Variants in DNAI3 observed in about 807,000 individuals in gnomAD.
The protein encoded by DNAI3 is dynein axonemal intermediate chain 3.
In DNAI3, 83 loss-of-function variants were observed where a neutral mutation model predicts 115.5. The ratio of observed to expected loss-of-function variants is 0.72; its 90% CI spans 0.60 to 0.86. The LOEUF (loss-of-function observed/expected upper bound fraction) is 0.86, where lower values mean the gene tolerates loss of function less well. Ranked by LOEUF, DNAI3 falls within the 40% of genes least tolerant of loss-of-function variation. The pLI is 0.00. For synonymous variants in DNAI3, 320 were observed against 347.0 expected (o/e 0.92, Z 0.86); for missense variants, 1,004 against 1,075.8 (o/e 0.93, Z 0.93).
rs1050571079 is a variant in DNAI3 at position 85,099,225 on chromosome 1, C to T, written c.1479+567C>T. 8 of 984,750 alleles carry T rather than the reference C, an allele frequency of 8.1e-6. No individual in the cohort carries two copies. In the African/African-American group the frequency reaches 1.4e-4, roughly 17 times the overall value. 61.0% of individuals were successfully genotyped at this position (984,750 alleles called of 1,614,324 possible). A position where few individuals can be genotyped will look rare whatever the true frequency, so the allele number is the denominator to read the frequency against. ...CTATAAATTTGGAAACTGGCAAGTT[C>T]CCCACATGTTTTCCTCAAGGGCATT... On this transcript the variant is annotated intron_variant, in intron 13 of 22. Coordinates refer to ENST00000294664, the MANE Select transcript of DNAI3 (RefSeq NM_145172.5).
In DNAI3 at chr1:85,086,768, C is replaced by T. The variant is rs538123572; in HGVS notation, c.740+738C>T. Among the ~76,000 whole-genome samples, 18 of 152,014 alleles carry T rather than the reference C, an allele frequency of 1.2e-4. 1 individual carries two copies. In the South Asian group the frequency reaches 3.7e-3, roughly 32 times the overall value. On this transcript the variant is annotated intron_variant, in intron 7 of 22. Coordinates refer to ENST00000294664, the MANE Select transcript of DNAI3 (RefSeq NM_145172.5). ...TCTCCTGCTTGGATTACTGTAATTC[C>T]TTCTAAGTGGGCTTCCTCTAGCCAT...
Position 85,132,832 on chromosome 1 carries a change from T to C in DNAI3, c.2533-23T>C, listed in dbSNP as rs769211745. On this transcript the variant is annotated intron_variant, in intron 22 of 22. Coordinates refer to ENST00000294664, the MANE Select transcript of DNAI3 (RefSeq NM_145172.5). ...TAGATATCAGTGTTTTATAGGGATG[T>C]CTTGTTTTTCTTCCCCCCCCAGAAA... is the stretch of plus-strand genomic sequence containing the variant. 3.4e-6 allele frequency: 5 copies of C among 1,477,638 alleles called. No individual in the cohort carries two copies. The East Asian group carries it at 1.2e-4, about 37-fold the overall frequency. 91.5% of individuals were successfully genotyped at this position (1,477,638 alleles called of 1,614,324 possible).
chr1:85,076,011 T>C (rs150094993), intron 3 of DNAI3, among the ~76,000 whole-genome samples: 93 of 152,320 alleles, frequency 6.1e-4, no homozygotes, highest in African/African-American at 2.2e-3. Context: ...ACCAGGCTAA[T>C]GTCAAGGTGT....
intron 8 of DNAI3, among the ~76,000 whole-genome samples, chr1:85,092,065 T>TTCAATGTTCA (rs1407662107): frequency 3.3e-5 from 5 of 152,208 alleles, no homozygotes; most frequent in Non-Finnish European, 7.3e-5. Context: ...CACAGGGTTA[T>TTCAATGTTCA]TCAATGTTCA....
chr1:85,095,777 T>C (rs1221026463), intron 10 of DNAI3, among the ~76,000 whole-genome samples, 154 bp from the exon 11 acceptor site: 1 of 152,218 alleles, frequency 6.6e-6, no homozygotes, highest in African/African-American at 2.4e-5. Flanking sequence ...AAAGCAGCTT[T>C]TAGTCCAGAG....
intron 20 of DNAI3, among the ~76,000 whole-genome samples, chr1:85,126,992 C>T (rs1656165400): frequency 6.6e-6 from 1 of 152,118 alleles, no homozygotes; most frequent in South Asian, 2.1e-4. Context: ...ATTTCTGAGA[C>T]ACGTGTCAGG....
chr1:85,090,942 A>C (rs745503370), intron 8 of DNAI3, among the ~76,000 whole-genome samples: 3 of 152,226 alleles, frequency 2.0e-5, no homozygotes, highest in Non-Finnish European at 4.4e-5. Flanking sequence ...AAGTTCATAT[A>C]TAGCCCAAGT....
At chr1:85,091,962 C>G (rs1294042912) in intron 8 of DNAI3, among the ~76,000 whole-genome samples, 1 of 152,208 alleles carries the variant, frequency 6.6e-6, no homozygotes, top group Non-Finnish European at 1.5e-5. Flanking sequence ...TGAGAATTCC[C>G]TTCTCATTTG....
At chr1:85,078,754 G>C (rs1466160242) in intron 3 of DNAI3, among the ~76,000 whole-genome samples, 4 of 152,200 alleles carry the variant, frequency 2.6e-5, no homozygotes, top group Non-Finnish European at 5.9e-5. Flanking sequence ...TAGCAGTTTT[G>C]TGTGATCTGT....
intron 7 of DNAI3, among the ~76,000 whole-genome samples, chr1:85,087,434 CAA>C (rs1162431713): frequency 6.4e-4 from 30 of 46,660 alleles, no homozygotes; most frequent in African/African-American, 1.5e-3. Flanking sequence ...GACTCCATCT[CAA>C]AAAAAAAAAA....
intron 13 of DNAI3, among the ~76,000 whole-genome samples, chr1:85,101,986 G>C (rs1299754272): frequency 6.6e-6 from 1 of 151,848 alleles, no homozygotes; most frequent in Admixed American, 6.6e-5. Context: ...AGGATGACTT[G>C]GAGTTTAAGA....
At chr1:85,072,812 G>T (rs1242928563) in intron 2 of DNAI3, among the ~76,000 whole-genome samples, 1 of 151,120 alleles carries the variant, frequency 6.6e-6, no homozygotes, top group Non-Finnish European at 1.5e-5. Context: ...AAAATTAGCC[G>T]GGTGTGGTGG....
At chr1:85,077,128 A>G (rs1004108946) in intron 3 of DNAI3, among the ~76,000 whole-genome samples, 32 of 152,260 alleles carry the variant, frequency 2.1e-4, no homozygotes, top group African/African-American at 7.5e-4. Context: ...AGATCAATGC[A>G]TGAGAATAGA....
intron 1 of DNAI3, among the ~76,000 whole-genome samples, chr1:85,065,807 T>C (rs1029349372): frequency 6.6e-6 from 1 of 152,256 alleles, no homozygotes; most frequent in African/African-American, 2.4e-5. Context: ...CACTGTATTA[T>C]GACAATTTAA....
Position 85,072,115 on chromosome 1 carries a change from CAT to C in DNAI3, c.64+112_64+113del, listed in dbSNP as rs965892698. 3.7e-6 allele frequency: 4 copies of C among 1,085,448 alleles called. No homozygotes were observed. The African/African-American group carries it at 4.8e-5, about 13-fold the overall frequency. 67.2% of individuals were successfully genotyped at this position (1,085,448 alleles called of 1,614,324 possible). A position where few individuals can be genotyped will look rare whatever the true frequency, so the allele number is the denominator to read the frequency against. On this transcript the variant is annotated intron_variant, in intron 2 of 22. Coordinates refer to ENST00000294664, the MANE Select transcript of DNAI3 (RefSeq NM_145172.5). ...CAAATGAAATAAAATATTTCTGTGA[CAT>C]AAAGTCAAATGTATGAGGAATAAGA...
chr1:85,090,076 G>T, intron 7 of DNAI3, 40 bp from the exon 8 acceptor site: 1 of 1,139,210 alleles, frequency 8.8e-7, no homozygotes, highest in South Asian at 2.0e-5. Flanking sequence ...GCTCTTCTTT[G>T]ACCTAATCTT....
Position 85,128,808 on chromosome 1 carries a change from C to T in DNAI3, c.2409+9C>T, listed in dbSNP as rs368803889. The T allele has an allele frequency of 3.1e-6, 5 of 1,605,348 alleles. No individual in the cohort carries two copies. The highest frequency in any genetic ancestry group is 2.6e-6 in the Non-Finnish European group (3 of 1,173,980). ...GCCCTTCCACCAATGAGGTTAGTAA[C>T]TAACTTATGACTTTGAGAATTAATG... On this transcript the variant is annotated intron_variant, in intron 21 of 22. Transcript: ENST00000294664.
At chr1:85,097,706 A>AAG in intron 12 of DNAI3, 51 bp downstream of exon 12, 1 of 1,510,050 alleles carries the variant, frequency 6.6e-7, no homozygotes, top group East Asian at 2.4e-5. Flanking sequence ...TGAAGAGTTT[A>AAG]TGGAAAAGTA....
rs867125530 is a variant in DNAI3 at position 85,111,050 on chromosome 1, C to T, written c.1786+915C>T. Among the ~76,000 whole-genome samples the T allele has an allele frequency of 2.6e-5, 4 of 152,046 alleles. No individual in the cohort carries two copies. In the South Asian group the frequency reaches 6.2e-4, roughly 24 times the overall value. On this transcript the variant is annotated intron_variant, in intron 16 of 22. Transcript: ENST00000294664. ...GAGAGCAATGCATAATGAAAATGTT[C>T]GAGAATAACTAGCAATTGAAATATT...
Sources: gnomAD v4.1 joint callset for allele counts (sites outside exome capture counted in the v4.1 genomes callset) on GRCh38, gnomAD v4.1.1 for gene constraint, MANE v1.5 for transcripts, NCBI Gene and HGNC (gene_info 2026-07-23, HGNC 2026-07-21) for gene names.